The following FOXP1 variants were observed in gnomAD, a reference collection of about 807,000 sequenced individuals.
FOXP1 encodes the protein forkhead box P1, also known as forkhead box protein P1.
Under a neutral mutation model 98.2 loss-of-function variants are expected in FOXP1, and 15 were observed. The observed-to-expected ratio is 0.15, with a 90% CI of 0.10 to 0.24. The LOEUF is 0.24. Among genes scored for constraint, FOXP1 ranks in the 10% least tolerant of loss-of-function variants. The pLI, the probability that FOXP1 is intolerant of heterozygous loss-of-function variation, is 1.00. For missense variants in FOXP1, 633 were observed against 848.5 expected (o/e 0.75, Z 3.15); for synonymous variants, 371 against 314.5 (o/e 1.18, Z -1.90).
intron 4 of FOXP1, among the ~76,000 whole-genome samples, chr3:71,343,743 G>A (rs1357538876): frequency 6.6e-6 from 1 of 151,946 alleles, no homozygotes; most frequent in African/African-American, 2.4e-5. Flanking sequence ...AGCCTAGACT[G>A]CTCTCGAACT....
chr3:71,152,984 T>C (rs1040902655), intron 6 of FOXP1, among the ~76,000 whole-genome samples: 2 of 152,200 alleles, frequency 1.3e-5, no homozygotes, highest in African/African-American at 4.8e-5. Context: ...CCCACCCATG[T>C]GTACGGCAGG....
Position 71,412,861 on chromosome 3 carries a change from A to G in FOXP1, c.-167-53617T>C, listed in dbSNP as rs901036997. Among the ~76,000 whole-genome samples, 3 of 152,162 alleles carry G rather than the reference A, an allele frequency of 2.0e-5. No individual in the cohort carries two copies. The East Asian group carries it at 5.8e-4, about 29-fold the overall frequency. ...GGGAGAATAAACACATTTGGGGGTG[A>G]ATATGTTTGTCTAATTAAAAATATT... On this transcript the variant is annotated intron_variant, in intron 3 of 20. Coordinates refer to ENST00000649528, the MANE Select transcript of FOXP1 (RefSeq NM_001349338.3).
chr3:71,532,038 T>C (rs150335374), intron 2 of FOXP1, among the ~76,000 whole-genome samples: 2 of 152,362 alleles, frequency 1.3e-5, no homozygotes, highest in East Asian at 1.9e-4. Context: ...ATTGACTTAA[T>C]AGGCAGTCTT....
At chr3:71,487,407 C>A (rs946766150) in intron 3 of FOXP1, among the ~76,000 whole-genome samples, 2 of 152,128 alleles carry the variant, frequency 1.3e-5, no homozygotes, top group African/African-American at 4.8e-5. Flanking sequence ...AAACTGTCTG[C>A]CAGATATTAG....
At chr3:71,352,232 G>A (rs1217008333) in intron 4 of FOXP1, among the ~76,000 whole-genome samples, 1 of 152,126 alleles carries the variant, frequency 6.6e-6, no homozygotes, top group Admixed American at 6.5e-5. Context: ...TTGGGAGGCT[G>A]AAGGGGGTGG....
At chr3:71,008,802 A>G (rs2043133152) in intron 12 of FOXP1, among the ~76,000 whole-genome samples, 1 of 152,076 alleles carries the variant, frequency 6.6e-6, no homozygotes, top group Admixed American at 6.6e-5. Flanking sequence ...TGATCACAGA[A>G]AAGTGTCAAA....
chr3:71,198,029 T>A, intron 6 of FOXP1, 173 bp downstream of exon 6: 1 of 1,614,260 alleles, frequency 6.2e-7, no homozygotes, highest in Non-Finnish European at 8.5e-7. Flanking sequence ...TTAAGCCAAC[T>A]GCTGGGACTC....
intron 11 of FOXP1, among the ~76,000 whole-genome samples, chr3:71,020,824 T>C (rs1466686242): frequency 6.6e-6 from 1 of 152,178 alleles, no homozygotes; most frequent in Non-Finnish European, 1.5e-5. Context: ...TTGCCTTGTT[T>C]TCCTCCTCTC....
chr3:71,086,459 C>T (rs988094621), intron 7 of FOXP1, among the ~76,000 whole-genome samples: 8 of 152,056 alleles, frequency 5.3e-5, no homozygotes, highest in Non-Finnish European at 7.4e-5. Flanking sequence ...TGCAATGTAC[C>T]GGGGGGAAAG....
intron 3 of FOXP1, among the ~76,000 whole-genome samples, chr3:71,392,557 C>A (rs1380629681): frequency 6.6e-6 from 1 of 152,154 alleles, no homozygotes; most frequent in Non-Finnish European, 1.5e-5. Flanking sequence ...TCCATGGTAA[C>A]TAAACTATGA....
Position 70,957,028 on chromosome 3 carries a change from A to G in FOXP1, c.*2219T>C, listed in dbSNP as rs1274186065. The G allele has an allele frequency of 4.5e-6, 1 of 222,288 alleles. No individual in the cohort carries two copies. Among genetic ancestry groups the G allele is most frequent in the Non-Finnish European group, 9.0e-6 (1 of 111,372 alleles). 13.8% of individuals were successfully genotyped at this position (222,288 alleles called of 1,614,324 possible). A position where few individuals can be genotyped will look rare whatever the true frequency, so the allele number is the denominator to read the frequency against. ...CACAGTTCTTAAACAAAAGTGGCATACAATCTAAAAATATCTCTTTTTCTA... is the reference window on the plus strand; with the variant it reads ...CACAGTTCTTAAACAAAAGTGGCATGCAATCTAAAAATATCTCTTTTTCTA... On this transcript the variant is annotated 3_prime_UTR_variant, in exon 21 of 21. Coordinates refer to ENST00000649528, the MANE Select transcript of FOXP1 (RefSeq NM_001349338.3).
At chr3:71,438,684 T>C (rs1174870846) in intron 3 of FOXP1, among the ~76,000 whole-genome samples, 1 of 151,500 alleles carries the variant, frequency 6.6e-6, no homozygotes, top group Non-Finnish European at 1.5e-5. Context: ...CAAGGCTTGG[T>C]AGGCCCATTC....
chr3:71,009,933 T>TTTTTG (rs1037522282), intron 12 of FOXP1, among the ~76,000 whole-genome samples: 4 of 151,618 alleles, frequency 2.6e-5, no homozygotes, highest in African/African-American at 9.7e-5. Flanking sequence ...TTTTTTTTTT[T>TTTTTG]TTGGCAGAGA....
chr3:71,163,394 T>C (rs1223788527), intron 6 of FOXP1, among the ~76,000 whole-genome samples: 2 of 152,234 alleles, frequency 1.3e-5, no homozygotes, highest in African/African-American at 4.8e-5. Context: ...CCTCAGCATC[T>C]GTTTGAAATA....
chr3:71,014,890 G>A (rs1013066493), intron 12 of FOXP1, among the ~76,000 whole-genome samples: 6 of 151,404 alleles, frequency 4.0e-5, no homozygotes, highest in African/African-American at 1.5e-4. Context: ...CTATCGCAAG[G>A]ACAGAAAACC....
At chr3:71,146,929 C>T (rs896926893) in intron 6 of FOXP1, among the ~76,000 whole-genome samples, 1 of 152,244 alleles carries the variant, frequency 6.6e-6, no homozygotes, top group Non-Finnish European at 1.5e-5. Context: ...CACCAGCGAG[C>T]GCTGCTCTAC....
intron 3 of FOXP1, among the ~76,000 whole-genome samples, chr3:71,460,171 T>C (rs2108533927): frequency 6.6e-6 from 1 of 152,096 alleles, no homozygotes; most frequent in South Asian, 2.1e-4. Context: ...CCTGACCTCG[T>C]GATTCGTCCA....
intron 3 of FOXP1, among the ~76,000 whole-genome samples, chr3:71,391,852 T>C (rs2081059843): frequency 6.6e-6 from 1 of 152,202 alleles, no homozygotes; most frequent in Admixed American, 6.5e-5. Flanking sequence ...CTCTCTGTGC[T>C]GGGGGACCTC....
intron 5 of FOXP1, among the ~76,000 whole-genome samples, chr3:71,278,884 T>C (rs562777420): frequency 6.6e-6 from 1 of 152,086 alleles, no homozygotes; most frequent in East Asian, 2.0e-4. Context: ...AGGATCTTTG[T>C]TACTCTTGAT....
Sources: allele counts gnomAD v4.1 joint callset (sites outside exome capture counted in the v4.1 genomes callset), GRCh38; gene constraint gnomAD v4.1.1; transcripts MANE v1.5; gene names NCBI Gene and HGNC (gene_info 2026-07-23, HGNC 2026-07-21).